The following GTF2A1 variants were observed in gnomAD, a reference collection of about 807,000 sequenced individuals.
GTF2A1 encodes the protein general transcription factor IIA subunit 1, also known as transcription initiation factor IIA subunit 1.
GTF2A1 carries 12 observed loss-of-function variants against 54.1 expected under a neutral mutation model. The ratio of observed to expected loss-of-function variants is 0.22; its 90% confidence interval spans 0.14 to 0.36. The LOEUF (loss-of-function observed/expected upper bound fraction) is 0.36. Ranked by LOEUF, GTF2A1 falls within the 10% of genes least tolerant of loss-of-function variation. The pLI is 1.00. For synonymous variants in GTF2A1, 145 were observed against 152.0 expected (o/e 0.95, Z 0.34); for missense variants, 335 against 442.2 (o/e 0.76, Z 2.17).
intron 3 of GTF2A1, chr14:81,202,873 C>T: frequency 2.2e-6 from 1 of 461,670 alleles, no homozygotes; most frequent in Non-Finnish European, 4.3e-6. Context: ...ATACAAAGTA[C>T]ACATTAAAAT....
chr14:81,181,824 G>A (rs1273947088), intron 8 of GTF2A1, among the ~76,000 whole-genome samples: 1 of 152,184 alleles, frequency 6.6e-6, no homozygotes, highest in African/African-American at 2.4e-5. Context: ...TTACAGGCGT[G>A]AGCCACTGCA....
In GTF2A1 at chr14:81,195,387, A is replaced by C. The variant is rs1488364331; in HGVS notation, c.612+721T>G. On this transcript the variant is annotated intron_variant, in intron 6 of 8. Transcript: ENST00000553612. ...AGTGGCTCACACCTGTAATCCCAGC[A>C]CTTTGGGAGGCCGAGGCGGGTGGAT... 3.9e-5 allele frequency among the ~76,000 whole-genome samples: 6 copies of C among 152,058 alleles called. No homozygotes were observed. In the East Asian group the frequency reaches 5.8e-4, roughly 15 times the overall value.
At chr14:81,198,755 A>G (rs1386832403) in intron 4 of GTF2A1, among the ~76,000 whole-genome samples, 2 of 152,204 alleles carry the variant, frequency 1.3e-5, no homozygotes, top group East Asian at 3.8e-4. Flanking sequence ...CCCATATCTG[A>G]AAAAGCTTAA....
intron 1 of GTF2A1, among the ~76,000 whole-genome samples, chr14:81,218,836 A>C (rs1893543235): frequency 6.7e-6 from 1 of 149,552 alleles, no homozygotes; most frequent in African/African-American, 2.5e-5. Context: ...TCTTCCCTCT[A>C]CTCACGATTC....
chr14:81,187,362 A>G (rs1231646991), intron 7 of GTF2A1, among the ~76,000 whole-genome samples: 1 of 152,110 alleles, frequency 6.6e-6, no homozygotes, highest in African/African-American at 2.4e-5. Context: ...CTCAAAAAAA[A>G]AAAAAAAAAT....
At chr14:81,193,883 G>T (rs1307326722) in intron 6 of GTF2A1, among the ~76,000 whole-genome samples, 1 of 152,096 alleles carries the variant, frequency 6.6e-6, no homozygotes, top group Non-Finnish European at 1.5e-5. Flanking sequence ...CTTACACGTG[G>T]TGTAACAACA....
At chr14:81,220,446 A>T in intron 1 of GTF2A1, 43 bp downstream of exon 1, 3 of 1,466,972 alleles carry the variant, frequency 2.0e-6, no homozygotes, top group Non-Finnish European at 2.8e-6. Flanking sequence ...CCGTTGCTGC[A>T]GCCTGAACGA....
rs1196696038 is a variant in GTF2A1 at position 81,178,526 on chromosome 14, C to A, written c.*1697G>T. On this transcript the variant is annotated 3_prime_UTR_variant, in exon 9 of 9. Coordinates refer to ENST00000553612, the MANE Select transcript of GTF2A1 (RefSeq NM_015859.4). ...AATCTAACTACTAGCATGCTAGACA[C>A]CACCATTAACACCAAAGTTTAGAAC... The A allele has an allele frequency of 6.6e-6, 1 of 151,958 alleles. No homozygotes were observed. Among genetic ancestry groups the A allele is most frequent in the Non-Finnish European group, 1.5e-5 (1 of 67,986 alleles). The allele number at this position is 151,958 out of a possible 1,614,324, so 9.4% of individuals were successfully genotyped here.
At chr14:81,188,607 T>C (rs1298550455) in intron 7 of GTF2A1, among the ~76,000 whole-genome samples, 2 of 144,606 alleles carry the variant, frequency 1.4e-5, no homozygotes, top group African/African-American at 2.5e-5. Flanking sequence ...CCGTCTCTAC[T>C]AAAAAAAAAA....
chr14:81,183,157 TG>T (rs1469864553), intron 8 of GTF2A1, among the ~76,000 whole-genome samples: 1 of 152,242 alleles, frequency 6.6e-6, no homozygotes, highest in African/African-American at 2.4e-5. Context: ...TGTTCTGTTT[TG>T]ATCATTAGTG....
intron 8 of GTF2A1, 26 bp from the exon 9 acceptor site, chr14:81,180,356 T>C (rs781129071): frequency 1.9e-5 from 18 of 965,146 alleles, no homozygotes; most frequent in South Asian, 1.8e-4. Context: ...ATTTTAAAAA[T>C]TGAGAGATAC....
chr14:81,200,302 T>C (rs1005056388), intron 4 of GTF2A1, among the ~76,000 whole-genome samples: 3 of 152,046 alleles, frequency 2.0e-5, no homozygotes, highest in African/African-American at 7.2e-5. Context: ...GTAGAACTCA[T>C]CTTTTCATAC....
At chr14:81,205,705 CT>C (rs1893213713) in intron 2 of GTF2A1, among the ~76,000 whole-genome samples, 2 of 152,332 alleles carry the variant, frequency 1.3e-5, no homozygotes, top group Middle Eastern at 3.4e-3. Context: ...GGGGAACCAA[CT>C]GAATAAGATT....
intron 6 of GTF2A1, among the ~76,000 whole-genome samples, chr14:81,193,646 A>T (rs187151577): frequency 6.6e-6 from 1 of 152,362 alleles, no homozygotes; most frequent in East Asian, 1.9e-4. Flanking sequence ...ATTCTGACTC[A>T]GTGTGAGATA....
At chr14:81,198,167 A>G (rs1012947027) in intron 4 of GTF2A1, among the ~76,000 whole-genome samples, 1 of 152,224 alleles carries the variant, frequency 6.6e-6, no homozygotes, top group African/African-American at 2.4e-5. Flanking sequence ...AAGTCACACC[A>G]GGCAGACTGG....
chr14:81,199,337 T>C (rs1893055447), intron 4 of GTF2A1, among the ~76,000 whole-genome samples: 1 of 152,160 alleles, frequency 6.6e-6, no homozygotes, highest in African/African-American at 2.4e-5. Context: ...CTATTAAAAT[T>C]TCTTCTTGTA....
In GTF2A1 at chr14:81,197,194, A is replaced by G. The variant is rs372055485; in HGVS notation, c.478+215T>C. The G allele has an allele frequency of 8.8e-6, 4 of 453,158 alleles. No individual in the cohort carries two copies. The South Asian group carries it at 1.5e-4, about 17-fold the overall frequency. The allele number at this position is 453,158 out of a possible 1,614,324, so 28.1% of individuals were successfully genotyped here. A position where few individuals can be genotyped will look rare whatever the true frequency, so the allele number is the denominator to read the frequency against. On this transcript the variant is annotated intron_variant, in intron 5 of 8. Transcript: ENST00000553612. Reference sequence around the variant, plus strand: ...AATAGGGTTATCATGCACAGATCAAAGGTTCAAGTACAATTTTCATCTTCT... The same window carrying G: ...AATAGGGTTATCATGCACAGATCAAGGGTTCAAGTACAATTTTCATCTTCT...
At chr14:81,191,098 C>G (rs1010983402) in intron 7 of GTF2A1, among the ~76,000 whole-genome samples, 19 of 151,628 alleles carry the variant, frequency 1.3e-4, no homozygotes, top group African/African-American at 4.6e-4. Flanking sequence ...CAAAAAGAGG[C>G]TAAAACTCCT....
chr14:81,182,926 CT>C (rs1892669744), intron 8 of GTF2A1, among the ~76,000 whole-genome samples: 1 of 152,228 alleles, frequency 6.6e-6, no homozygotes. Flanking sequence ...CTTTCCAAGT[CT>C]TTGCTAAAAT....
Sources: gnomAD v4.1 joint callset for allele counts (sites outside exome capture counted in the v4.1 genomes callset) on GRCh38, gnomAD v4.1.1 for gene constraint, MANE v1.5 for transcripts, NCBI Gene and HGNC (gene_info 2026-07-23, HGNC 2026-07-21) for gene names.